The following URGCP variants were observed in gnomAD, a reference collection of about 807,000 sequenced individuals.
URGCP encodes the protein up-regulator of cell proliferation.
A neutral mutation model predicts 24.6 loss-of-function variants in URGCP; 13 were observed. The observed-to-expected ratio is 0.53, with a 90% CI of 0.34 to 0.84. The LOEUF (loss-of-function observed/expected upper bound fraction) is 0.84, where lower values mean the gene tolerates loss of function less well. Among genes scored for constraint, URGCP ranks in the 40% least tolerant of loss-of-function variants. URGCP has a pLI of 0.01. For missense variants in URGCP, 899 were observed against 1,194.3 expected, an observed-to-expected ratio of 0.75 and a Z score of 3.64; for synonymous variants, 444 against 487.2, an observed-to-expected ratio of 0.91 and a Z score of 1.17.
intron 3 of URGCP, among the ~76,000 whole-genome samples, chr7:43,886,655 A>G (rs1346753622): frequency 6.6e-6 from 1 of 152,232 alleles, no homozygotes; most frequent in East Asian, 1.9e-4. Context: ...TGGGAGGCTG[A>G]GGCAGCAGAA....
chr7:43,910,409 T>C (rs1484770987), upstream of URGCP, among the ~76,000 whole-genome samples: 1 of 130,938 alleles, frequency 7.6e-6, no homozygotes, highest in Non-Finnish European at 1.6e-5. Flanking sequence ...TTTTTTTTTT[T>C]TGTAGAGACA....
chr7:43,906,149 C>CT (rs2095901851), intron 1 of URGCP: 1 of 152,146 alleles, frequency 6.6e-6, no homozygotes, highest in African/African-American at 2.4e-5. Flanking sequence ...AACATCGATA[C>CT]CAGGCGCCGG....
chr7:43,926,526 G>C, upstream of URGCP: 1 of 1,551,848 alleles, frequency 6.4e-7, no homozygotes, highest in Non-Finnish European at 8.7e-7. Context: ...CCCGGCAGCG[G>C]GGTAGGATGG....
chr7:43,887,871 A>G lies in URGCP; in HGVS notation c.15-55T>C. 1.7e-6 allele frequency: 2 copies of G among 1,188,174 alleles called. 1 individual carries two copies. The highest frequency in any genetic ancestry group is 2.8e-5 in the South Asian group (2 of 70,874). 73.6% of individuals were successfully genotyped at this position (1,188,174 alleles called of 1,614,324 possible). ...AGATGTTGATGCCAGCTTTATATAT[A>G]ATAGCGAAAAACTGATGCCTTTTAA... is the stretch of plus-strand genomic sequence containing the variant. On this transcript the variant is annotated intron_variant, in intron 1 of 5. Coordinates refer to ENST00000453200, the MANE Select transcript of URGCP (RefSeq NM_001077663.3).
intron 1 of URGCP, chr7:43,889,612 C>T (rs1302563228): frequency 1.3e-5 from 2 of 152,234 alleles, no homozygotes; most frequent in Non-Finnish European, 2.9e-5. Context: ...AAAATGCTTT[C>T]CTGTCATATG....
intron 3 of URGCP, chr7:43,882,174 C>A: frequency 1.7e-6 from 1 of 587,244 alleles, no homozygotes; most frequent in Non-Finnish European, 2.7e-6. Context: ...CATGGTGGCT[C>A]ATGCCTGTAA....
At chr7:43,914,329 G>A (rs11770438) in intron 1 of URGCP, among the ~76,000 whole-genome samples, 13 of 152,014 alleles carry the variant, frequency 8.6e-5, no homozygotes, top group African/African-American at 1.2e-4. Context: ...TGGTAAAACC[G>A]CATCTCTAAC....
In URGCP at chr7:43,879,210, A is replaced by T; in HGVS notation, c.253T>A (p.Tyr85Asn). 1.9e-6 allele frequency: 3 copies of T among 1,613,562 alleles called. No homozygotes were observed. The South Asian group carries it at 3.3e-5, about 18-fold the overall frequency. The change falls in exon 6 of 6, where the codon TAC becomes AAC. Residue 85 changes from tyrosine (Y) to asparagine (N), a missense_variant. Transcript: ENST00000453200. ...EMLSLLGLET[Y>N]QVQKLSLQDS... ...TGGAGGCTGAGTTTCTGGACCTGGT[A>T]CGTCTCTAGGCCCAAAAGTGACAGC...
chr7:43,886,838 C>T (rs1395192888), intron 3 of URGCP, among the ~76,000 whole-genome samples: 9 of 152,140 alleles, frequency 5.9e-5, no homozygotes, highest in Non-Finnish European at 1.0e-4. Flanking sequence ...CTAAAGATAT[C>T]TGGAGTGTGG....
In URGCP at chr7:43,876,295, G is replaced by A. The variant is rs1479689810; in HGVS notation, c.*372C>T. 2.7e-5 allele frequency: 6 copies of A among 220,802 alleles called. No individual in the cohort carries two copies. The highest frequency in any genetic ancestry group is 4.5e-5 in the Non-Finnish European group (5 of 110,888). The allele number at this position is 220,802 out of a possible 1,614,324, so 13.7% of individuals were successfully genotyped here. On this transcript the variant is annotated 3_prime_UTR_variant, in exon 6 of 6. Coordinates refer to ENST00000453200, the MANE Select transcript of URGCP (RefSeq NM_001077663.3). Reference sequence around the variant, plus strand: ...GGACAACTTCCCCACCTCTGTCCTGGGACCACCTGCCCGCCTGGGCCTGCA... The same window carrying A: ...GGACAACTTCCCCACCTCTGTCCTGAGACCACCTGCCCGCCTGGGCCTGCA...
At chr7:43,920,065 C>G in intron 1 of URGCP, 1 of 1,287,598 alleles carries the variant, frequency 7.8e-7, no homozygotes, top group Middle Eastern at 1.9e-4. Context: ...AGTGAGTCCC[C>G]TAGGACAGGG....
At chr7:43,904,787 G>C (rs1425224575) in intron 1 of URGCP, among the ~76,000 whole-genome samples, 2 of 152,204 alleles carry the variant, frequency 1.3e-5, no homozygotes, top group Non-Finnish European at 2.9e-5. Flanking sequence ...TACATCGTAA[G>C]GTGTACTATG....
At chr7:43,909,899 C>T (rs537046524), upstream of URGCP, among the ~76,000 whole-genome samples, 17 of 146,712 alleles carry the variant, frequency 1.2e-4, no homozygotes, top group Middle Eastern at 4.1e-3. Flanking sequence ...CAAAATTAGC[C>T]GGGCGTGGTG....
intron 1 of URGCP, among the ~76,000 whole-genome samples, chr7:43,922,667 A>G (rs1440436655): frequency 6.6e-6 from 1 of 152,146 alleles, no homozygotes; most frequent in East Asian, 1.9e-4. Flanking sequence ...CCAAGCAATC[A>G]TAGCTGGGAC....
intron 1 of URGCP, among the ~76,000 whole-genome samples, chr7:43,922,387 A>G (rs2095923446): frequency 2.6e-5 from 4 of 152,164 alleles, no homozygotes; most frequent in Admixed American, 1.3e-4. Context: ...AGGAACTGCT[A>G]AACTCTTTTC....
chr7:43,922,115 A>G (rs1269267432), intron 1 of URGCP, among the ~76,000 whole-genome samples: 1 of 152,108 alleles, frequency 6.6e-6, no homozygotes, highest in Admixed American at 6.5e-5. Context: ...CCCAGGCTGG[A>G]GTGCAGTGGC....
chr7:43,879,563 A>T, intron 5 of URGCP: 1 of 306,586 alleles, frequency 3.3e-6, no homozygotes, highest in Non-Finnish European at 6.0e-6. Context: ...TGCAAAAGCC[A>T]TATTTCTGGT....
At chr7:43,917,482 T>C (rs546115221) in intron 1 of URGCP, among the ~76,000 whole-genome samples, 70 of 152,348 alleles carry the variant, frequency 4.6e-4, no homozygotes, top group Non-Finnish European at 4.0e-4. Context: ...AAGCGTGACC[T>C]GTAACCACAT....
At chr7:43,896,368 A>C (rs2095878395) in intron 1 of URGCP, among the ~76,000 whole-genome samples, 1 of 151,006 alleles carries the variant, frequency 6.6e-6, no homozygotes, top group Admixed American at 6.6e-5. Flanking sequence ...AGGTAGGAGA[A>C]TTGCTTGACT....
Sources: allele counts gnomAD v4.1 joint callset (sites outside exome capture counted in the v4.1 genomes callset), GRCh38; gene constraint gnomAD v4.1.1; transcripts MANE v1.5; gene names NCBI Gene and HGNC (gene_info 2026-07-23, HGNC 2026-07-21).